TLE4: variants seen among roughly 807,000 people sequenced by gnomAD.
TLE4 encodes transducin-like enhancer protein 4.
Under a neutral mutation model 92.8 loss-of-function variants are expected in TLE4, and 8 were observed. The observed-to-expected ratio is 0.09, with a 90% confidence interval of 0.05 to 0.16. The LOEUF is 0.16. Ranked by LOEUF, TLE4 falls within the 10% of genes least tolerant of loss-of-function variation. TLE4 has a pLI of 1.00. For missense variants in TLE4, 675 were observed against 997.6 expected (o/e 0.68, Z 4.36); for synonymous variants, 371 against 374.1 (o/e 0.99, Z 0.10).
chr9:79,690,939 C>T (rs548366074), intron 8 of TLE4, among the ~76,000 whole-genome samples: 19 of 152,104 alleles, frequency 1.2e-4, no homozygotes, highest in African/African-American at 4.6e-4. Flanking sequence ...CCTGGTGATT[C>T]CTGCCATTTT....
intron 14 of TLE4, among the ~76,000 whole-genome samples, chr9:79,711,094 T>G (rs971414865): frequency 6.6e-6 from 1 of 152,230 alleles, no homozygotes; most frequent in Non-Finnish European, 1.5e-5. Context: ...ACTTTCCATC[T>G]GAGGAATCCA....
At chr9:79,659,839 C>T (rs1415826745) in intron 8 of TLE4, among the ~76,000 whole-genome samples, 4 of 152,090 alleles carry the variant, frequency 2.6e-5, no homozygotes, top group Non-Finnish European at 5.9e-5. Context: ...AAAAGCCTAT[C>T]TTGAGCAATA....
chr9:79,652,486 C>G, intron 6 of TLE4, 107 bp from the exon 7 acceptor site: 2 of 1,269,850 alleles, frequency 1.6e-6, no homozygotes, highest in South Asian at 2.5e-5. Context: ...CGTGCCCAGC[C>G]GGTGTTGGCT....
intron 8 of TLE4, among the ~76,000 whole-genome samples, chr9:79,670,833 G>A (rs1186674085): frequency 6.6e-6 from 1 of 151,902 alleles, no homozygotes; most frequent in Non-Finnish European, 1.5e-5. Flanking sequence ...TGTAACATGG[G>A]AGTGGTAAAG....
chr9:79,574,810 G>GTTGAAGAAC, intron 2 of TLE4, 63 bp from the exon 3 acceptor site: 1 of 1,364,666 alleles, frequency 7.3e-7, no homozygotes, highest in Non-Finnish European at 1.0e-6. Context: ...TAGAATATGC[G>GTTGAAGAAC]TTTAAGAGTT....
At chr9:79,672,803 C>G (rs540004599) in intron 8 of TLE4, among the ~76,000 whole-genome samples, 1 of 152,154 alleles carries the variant, frequency 6.6e-6, no homozygotes, top group Admixed American at 6.5e-5. Flanking sequence ...ATGTATGTTA[C>G]TTAAAAGATA....
intron 5 of TLE4, among the ~76,000 whole-genome samples, chr9:79,612,932 C>G (rs1393779754): frequency 6.6e-6 from 1 of 152,086 alleles, no homozygotes; most frequent in East Asian, 1.9e-4. Flanking sequence ...GGAATATTTT[C>G]TAGTTGGGCT....
At chr9:79,642,582 A>G (rs1436325386) in intron 6 of TLE4, among the ~76,000 whole-genome samples, 1 of 152,156 alleles carries the variant, frequency 6.6e-6, no homozygotes, top group South Asian at 2.1e-4. Context: ...AGTAGCTTAA[A>G]CAAGCTTCTG....
chr9:79,616,577 A>G (rs1244560405), intron 5 of TLE4, among the ~76,000 whole-genome samples: 1 of 152,214 alleles, frequency 6.6e-6, no homozygotes. Flanking sequence ...AGAAAAAATG[A>G]AAATTAAAAG....
intron 4 of TLE4, among the ~76,000 whole-genome samples, chr9:79,597,654 C>A (rs750567836): frequency 3.9e-4 from 59 of 152,266 alleles, no homozygotes; most frequent in Admixed American, 1.1e-3. Context: ...AAGCCAGAAA[C>A]CCATAGAGGC....
At chr9:79,581,323 C>T (rs77099251) in intron 4 of TLE4, among the ~76,000 whole-genome samples, 2,952 of 152,232 alleles carry the variant, frequency 0.019, 99 homozygotes, top group African/African-American at 0.065. Context: ...AGCACCTGCA[C>T]GGGAAGCAGA....
chr9:79,689,926 C>T (rs909890026), intron 8 of TLE4, among the ~76,000 whole-genome samples: 5 of 152,132 alleles, frequency 3.3e-5, no homozygotes, highest in African/African-American at 1.2e-4. Flanking sequence ...CTCTGGACAG[C>T]GTCTGATTTA....
At chr9:79,711,901 C>G (rs1312870081) in intron 14 of TLE4, among the ~76,000 whole-genome samples, 1 of 152,176 alleles carries the variant, frequency 6.6e-6, no homozygotes, top group African/African-American at 2.4e-5. Context: ...GAAAATGACA[C>G]TACTAAAAAG....
intron 4 of TLE4, among the ~76,000 whole-genome samples, chr9:79,596,028 A>G (rs892002034): frequency 1.3e-5 from 2 of 151,408 alleles, no homozygotes; most frequent in Admixed American, 1.3e-4. Context: ...TTGTATTTTT[A>G]GTAGAGACAG....
chr9:79,717,375 C>T (rs150454807), intron 14 of TLE4, among the ~76,000 whole-genome samples: 30 of 152,244 alleles, frequency 2.0e-4, no homozygotes, highest in Non-Finnish European at 3.7e-4. Flanking sequence ...TCTCCAAGTC[C>T]TGTTGATTTG....
In TLE4 at chr9:79,690,647, G is replaced by A. The variant is rs564106507; in HGVS notation, c.610-14136G>A. Among the ~76,000 whole-genome samples the A allele has an allele frequency of 2.0e-5, 3 of 151,168 alleles. No individual in the cohort carries two copies. In the South Asian group the frequency reaches 6.3e-4, roughly 32 times the overall value. ...TTTCTTTTTTCAAATTTTTAGACGG[G>A]ATCTCACTCTCACTCAGGCTGGAGT... On this transcript the variant is annotated intron_variant, in intron 8 of 19. Coordinates refer to ENST00000376552, the MANE Select transcript of TLE4 (RefSeq NM_007005.6).
intron 19 of TLE4, 65 bp downstream of exon 19, chr9:79,723,100 G>T: frequency 6.8e-7 from 1 of 1,467,790 alleles, no homozygotes. Context: ...CATTCTCTCA[G>T]ATTAATAATG....
intron 8 of TLE4, among the ~76,000 whole-genome samples, chr9:79,658,016 T>C (rs1288715810): frequency 1.3e-5 from 2 of 152,206 alleles, no homozygotes; most frequent in Non-Finnish European, 2.9e-5. Flanking sequence ...GAGTACTTTT[T>C]CTCCTCTGTG....
chr9:79,718,402 G>GGTT, intron 14 of TLE4, among the ~76,000 whole-genome samples: 1 of 152,084 alleles, frequency 6.6e-6, no homozygotes, highest in Non-Finnish European at 1.5e-5. Flanking sequence ...ACTTGACGGT[G>GGTT]GTTATCTCAT....
Sources: allele counts gnomAD v4.1 joint callset (sites outside exome capture counted in the v4.1 genomes callset), GRCh38; gene constraint gnomAD v4.1.1; transcripts MANE v1.5; gene names NCBI Gene and HGNC (gene_info 2026-07-23, HGNC 2026-07-21).